The following FRMD4B variants were observed in gnomAD, a reference collection of about 807,000 sequenced individuals.
FRMD4B encodes FERM domain-containing protein 4B.
In FRMD4B, 74 loss-of-function variants were observed where a neutral mutation model predicts 141.5. The observed-to-expected ratio is 0.52, with a 90% CI of 0.43 to 0.63. FRMD4B has a LOEUF of 0.63. FRMD4B is among the 30% of genes least tolerant of loss of function. The pLI is 0.00. For synonymous variants in FRMD4B, 506 were observed against 467.9 expected, an observed-to-expected ratio of 1.08 and a Z score of -1.05; for missense variants, 1,366 against 1,253.4, an observed-to-expected ratio of 1.09 and a Z score of -1.36.
At chr3:69,512,405 G>C (rs1253664194) in intron 1 of FRMD4B, among the ~76,000 whole-genome samples, 1 of 152,184 alleles carries the variant, frequency 6.6e-6, no homozygotes, top group Non-Finnish European at 1.5e-5. Flanking sequence ...TATTCATATA[G>C]TACAGGCTAA....
At position 69,365,634 on chromosome 3, in the gene FRMD4B, G is replaced by C. The variant is rs537927737; in HGVS notation, c.162+20194C>G. ...CTCCTGCCTTAGCCTCTGAATAGCT[G>C]GGATTACATGCGCACTTCACCACGC... On this transcript the variant is annotated intron_variant, in intron 1 of 22. Transcript: ENST00000398540. 3.9e-4 allele frequency among the ~76,000 whole-genome samples: 59 copies of C among 151,878 alleles called. 1 individual carries two copies. Among genetic ancestry groups the C allele is most frequent in the Middle Eastern group, 6.8e-3 (2 of 294 alleles).
upstream of FRMD4B, among the ~76,000 whole-genome samples, chr3:69,390,285 C>T (rs1217531477): frequency 6.6e-6 from 1 of 152,168 alleles, no homozygotes; most frequent in Non-Finnish European, 1.5e-5. Context: ...ACTCTCTAGA[C>T]ACCTGAAAAA....
chr3:69,210,129 G>A (rs747444662), intron 11 of FRMD4B, among the ~76,000 whole-genome samples: 1 of 152,172 alleles, frequency 6.6e-6, no homozygotes, highest in African/African-American at 2.4e-5. Context: ...ATGCCCTGTG[G>A]TGATGAAGTT....
chr3:69,291,910 C>CTTTTTT (rs35703345), intron 4 of FRMD4B, among the ~76,000 whole-genome samples: 2 of 105,538 alleles, frequency 1.9e-5, no homozygotes, highest in African/African-American at 3.6e-5. Context: ...ACAGGAATCT[C>CTTTTTT]TTTTTTTTTT....
In FRMD4B at chr3:69,313,465, T is replaced by A. The variant is rs1340909814; in HGVS notation, c.215A>T (p.Glu72Val). 2.5e-6 allele frequency: 4 copies of A among 1,571,062 alleles called. No homozygotes were observed. Reference sequence around the variant, plus strand: ...GGCCACACCTACCTGAACCAGCAGCTCCAGTCTCCTATCATCCAGGAGGTG... The same window carrying A: ...GGCCACACCTACCTGAACCAGCAGCACCAGTCTCCTATCATCCAGGAGGTG... The part of the protein sequence containing the change: ...QVHLLDDRRL[E>V]LLVQPKLLAR... The change falls in exon 2 of 23, where the codon GAG becomes GTG. Residue 72 changes from glutamate to valine, a missense_variant. By Grantham distance (121) the Glu-to-Val change is moderately radical. Transcript: ENST00000398540.
intron 2 of FRMD4B, among the ~76,000 whole-genome samples, chr3:69,423,936 A>C (rs1705028448): frequency 6.6e-6 from 1 of 152,148 alleles, no homozygotes; most frequent in Admixed American, 6.5e-5. Flanking sequence ...TTTATAAGCT[A>C]CCCAGCTTAT....
chr3:69,173,048 T>A (rs2092605707), intron 22 of FRMD4B, among the ~76,000 whole-genome samples: 3 of 152,206 alleles, frequency 2.0e-5, no homozygotes, highest in Admixed American at 1.3e-4. Context: ...TTACTACAGC[T>A]GGCTACACTT....
intron 2 of FRMD4B, among the ~76,000 whole-genome samples, chr3:69,399,705 C>T (rs1328362792): frequency 6.6e-6 from 1 of 152,168 alleles, no homozygotes; most frequent in Non-Finnish European, 1.5e-5. Flanking sequence ...AGTGAACTCC[C>T]ATTTATCTTT....
At chr3:69,480,272 G>C (rs1294607855) in intron 1 of FRMD4B, among the ~76,000 whole-genome samples, 1 of 152,228 alleles carries the variant, frequency 6.6e-6, no homozygotes, top group Non-Finnish European at 1.5e-5. Flanking sequence ...CTTTGGAGGA[G>C]GAGAGGCGCT....
At chr3:69,260,155 C>G (rs970230149) in intron 5 of FRMD4B, among the ~76,000 whole-genome samples, 1 of 152,124 alleles carries the variant, frequency 6.6e-6, no homozygotes, top group South Asian at 2.1e-4. Flanking sequence ...GCCTCGGTGT[C>G]CACTCTGGTC....
At position 69,311,133 on chromosome 3, in the gene FRMD4B, A is replaced by C. The variant is rs192921759; in HGVS notation, c.323+130T>G. 7.3e-3 allele frequency: 3,697 copies of C among 504,800 alleles called. 34 individuals carry two copies. The highest frequency in any genetic ancestry group is 0.021 in the Middle Eastern group (40 of 1,908). 31.3% of individuals were successfully genotyped at this position (504,800 alleles called of 1,614,324 possible). A position where few individuals can be genotyped will look rare whatever the true frequency, so the allele number is the denominator to read the frequency against. On this transcript the variant is annotated intron_variant, in intron 3 of 22. Coordinates refer to ENST00000398540, the MANE Select transcript of FRMD4B (RefSeq NM_015123.3). ...ATCCTAGGAGAAAAATCGCATATTA[A>C]AAAACCTTTAGCTAAGCAGGACATG...
intron 1 of FRMD4B, among the ~76,000 whole-genome samples, chr3:69,493,991 C>T (rs116007933): frequency 0.011 from 1,611 of 152,282 alleles, 29 homozygotes; most frequent in African/African-American, 0.037. Flanking sequence ...ATCCTCTCAC[C>T]TCAGCCTCTG....
At chr3:69,471,244 G>A (rs1399872951) in intron 1 of FRMD4B, among the ~76,000 whole-genome samples, 1 of 152,022 alleles carries the variant, frequency 6.6e-6, no homozygotes, top group Non-Finnish European at 1.5e-5. Flanking sequence ...CTCATTCCTT[G>A]TCAACTGGAT....
intron 1 of FRMD4B, among the ~76,000 whole-genome samples, chr3:69,523,169 G>A (rs925745629): frequency 5.9e-5 from 9 of 151,574 alleles, no homozygotes; most frequent in Non-Finnish European, 8.8e-5. Context: ...AATGGCAATG[G>A]ATAGAATGAT....
upstream of FRMD4B, chr3:69,386,111 C>T: frequency 1.1e-6 from 1 of 899,332 alleles, no homozygotes; most frequent in Non-Finnish European, 1.6e-6. Context: ...GTCAAGCCTG[C>T]CACCAAACTC....
intron 1 of FRMD4B, among the ~76,000 whole-genome samples, chr3:69,527,474 A>G (rs937940077): frequency 3.3e-5 from 5 of 152,242 alleles, no homozygotes; most frequent in African/African-American, 1.2e-4. Flanking sequence ...TCCAGCCAAA[A>G]GCAAAGCAGA....
intron 1 of FRMD4B, among the ~76,000 whole-genome samples, chr3:69,520,977 C>G (rs1235262671): frequency 6.6e-6 from 1 of 152,192 alleles, no homozygotes; most frequent in Non-Finnish European, 1.5e-5. Context: ...ATGAGAATAA[C>G]CTCAGTTCTG....
intron 1 of FRMD4B, among the ~76,000 whole-genome samples, chr3:69,517,764 T>C (rs1431575153): frequency 6.6e-6 from 1 of 152,198 alleles, no homozygotes; most frequent in East Asian, 1.9e-4. Flanking sequence ...GCCTCCTTAC[T>C]GCCTTCAGCT....
intron 1 of FRMD4B, among the ~76,000 whole-genome samples, chr3:69,540,793 G>T (rs1348472059): frequency 1.3e-5 from 2 of 151,514 alleles, no homozygotes; most frequent in Non-Finnish European, 2.9e-5. Context: ...CCTGGCATCT[G>T]AAATTAGATC....
Sources: gnomAD v4.1 joint callset for allele counts (sites outside exome capture counted in the v4.1 genomes callset) on GRCh38, gnomAD v4.1.1 for gene constraint, MANE v1.5 for transcripts, NCBI Gene and HGNC (gene_info 2026-07-23, HGNC 2026-07-21) for gene names.